The following AASS variants were observed in gnomAD, a reference collection of about 807,000 sequenced individuals.
The protein encoded by AASS is alpha-aminoadipic semialdehyde synthase, mitochondrial.
A neutral mutation model predicts 105.4 loss-of-function variants in AASS; 86 were observed. That is an observed-to-expected ratio of 0.82 (90% CI 0.69 to 0.98). AASS has a LOEUF of 0.98. Ranked by LOEUF, AASS falls within the 50% of genes least tolerant of loss-of-function variation. The pLI is 0.00. For missense variants in AASS, 1,048 were observed against 1,143.2 expected (o/e 0.92, Z 1.20); for synonymous variants, 381 against 394.8 (o/e 0.96, Z 0.41).
Position 122,129,515 on chromosome 7 carries a change from A to G in AASS, c.233T>C (p.Ile78Thr), listed in dbSNP as rs1281670117. Residue 78 changes from isoleucine (I) to threonine (T), a missense_variant, in exon 3 of 24, where the codon ATT becomes ACT. Coordinates refer to ENST00000417368, the MANE Select transcript of AASS (RefSeq NM_005763.4). ...AGCTTCAGAAATATCCTCCTGAAGA[A>G]TGCCACCAGCTTTGACATAGTCCTG... ...HDKDYVKAGG[I>T]LQEDISEACL... is the part of the protein sequence containing the mutation. 1 of 1,613,436 alleles carries G rather than the reference A, an allele frequency of 6.2e-7. No individual in the cohort carries two copies. The highest frequency in any genetic ancestry group is 8.5e-7 in the Non-Finnish European group (1 of 1,179,586).
At chr7:122,108,671 C>T (rs1794784185) in intron 11 of AASS, among the ~76,000 whole-genome samples, 3 of 151,868 alleles carry the variant, frequency 2.0e-5, no homozygotes, top group Admixed American at 1.3e-4. Flanking sequence ...GGGTACATAC[C>T]TCAACATAAT....
At chr7:122,139,587 C>T (rs1308639344) in intron 1 of AASS, among the ~76,000 whole-genome samples, 4 of 152,014 alleles carry the variant, frequency 2.6e-5, no homozygotes, top group South Asian at 2.1e-4. Flanking sequence ...AGTCTGTTCT[C>T]GTTGGTATAA....
chr7:122,134,051 A>T (rs991556306), intron 1 of AASS, among the ~76,000 whole-genome samples: 1 of 152,238 alleles, frequency 6.6e-6, no homozygotes, highest in African/African-American at 2.4e-5. Context: ...AAAAGTTTTA[A>T]ACAAATTAAT....
In AASS at chr7:122,136,531, A is replaced by G. The variant is rs896469299; in HGVS notation, c.-15-2790T>C. 2.6e-5 allele frequency among the ~76,000 whole-genome samples: 4 copies of G among 152,222 alleles called. No individual in the cohort carries two copies. In the South Asian group the frequency reaches 6.2e-4, roughly 24 times the overall value. On this transcript the variant is annotated intron_variant, in intron 1 of 23. Coordinates refer to ENST00000417368, the MANE Select transcript of AASS (RefSeq NM_005763.4). ...ATTCATATCTTCTGTTTTTTAAAATAGATTGCATTAAACTCAATCCCAAAC... is the reference window on the plus strand; with the variant it reads ...ATTCATATCTTCTGTTTTTTAAAATGGATTGCATTAAACTCAATCCCAAAC...
intron 9 of AASS, among the ~76,000 whole-genome samples, chr7:122,114,870 C>G (rs1338030779): frequency 6.6e-6 from 1 of 151,622 alleles, no homozygotes; most frequent in Non-Finnish European, 1.5e-5. Context: ...AACAAGACCC[C>G]ATCTCTAAAG....
chr7:122,127,935 T>C (rs542537358), intron 3 of AASS, among the ~76,000 whole-genome samples: 1 of 152,318 alleles, frequency 6.6e-6, no homozygotes, highest in Non-Finnish European at 1.5e-5. Context: ...GAATGTCTAA[T>C]AGAATATTAA....
chr7:122,083,142 C>T (rs1342763586), intron 19 of AASS, among the ~76,000 whole-genome samples: 2 of 152,110 alleles, frequency 1.3e-5, no homozygotes, highest in Non-Finnish European at 2.9e-5. Context: ...TATTTCACTA[C>T]TGAATGTCTG....
At chr7:122,104,564 C>T (rs1260331798) in intron 11 of AASS, among the ~76,000 whole-genome samples, 1 of 152,078 alleles carries the variant, frequency 6.6e-6, no homozygotes, top group Admixed American at 6.6e-5. Flanking sequence ...ACTACACCAG[C>T]CTAGGTGACA....
intron 15 of AASS, among the ~76,000 whole-genome samples, chr7:122,097,394 AG>A (rs1485475387): frequency 6.6e-6 from 1 of 151,990 alleles, no homozygotes; most frequent in Non-Finnish European, 1.5e-5. Context: ...TTTTAGGTTC[AG>A]GGGTACATGT....
intron 18 of AASS, among the ~76,000 whole-genome samples, chr7:122,090,736 T>A (rs1793857558): frequency 6.6e-6 from 1 of 152,086 alleles, no homozygotes; most frequent in Non-Finnish European, 1.5e-5. Context: ...AACTATGAAG[T>A]CAGACAGACA....
Position 122,098,785 on chromosome 7 carries a change from T to C in AASS, c.1488A>G (p.Leu496=), listed in dbSNP as rs1385805736. 15 of 1,602,754 alleles carry C rather than the reference T, an allele frequency of 9.4e-6. No individual in the cohort carries two copies. The highest frequency in any genetic ancestry group is 1.3e-5 in the Non-Finnish European group (15 of 1,174,710). The change falls in exon 14 of 24, where the codon TTA becomes TTG. Residue 496 remains leucine, a synonymous_variant. Transcript: ENST00000417368. ...TATTGCCATCTCTTGATAAATATTCTAATACAGGCTCAGATATGTAGCCAG... is the reference window on the plus strand; with the variant it reads ...TATTGCCATCTCTTGATAAATATTCCAATACAGGCTCAGATATGTAGCCAG... The part of the protein sequence containing the change: ...LGSGYISEPV[L]EYLSRDGNIE...
At chr7:122,117,341 A>G (rs1795229613) in intron 6 of AASS, among the ~76,000 whole-genome samples, 1 of 152,220 alleles carries the variant, frequency 6.6e-6, no homozygotes, top group Non-Finnish European at 1.5e-5. Flanking sequence ...TATAATAAGA[A>G]TGATATCCTA....
At chr7:122,125,021 C>G (rs991381299) in intron 4 of AASS, among the ~76,000 whole-genome samples, 1 of 152,108 alleles carries the variant, frequency 6.6e-6, no homozygotes, top group Admixed American at 6.5e-5. Context: ...CTCCTGGGTT[C>G]AAGCAATTCT....
In AASS at chr7:122,081,597, T is replaced by C. The variant is rs769991420; in HGVS notation, c.2185-2A>G. ...TCCATTCAAAGCTTTCATATATCCC[T>C]GAAACAAGAATTAATAAGCAGTATA... On this transcript the variant is annotated splice_acceptor_variant, in intron 19 of 23. Coordinates refer to ENST00000417368, the MANE Select transcript of AASS (RefSeq NM_005763.4). LOFTEE classifies it high-confidence loss of function. 18 of 1,602,606 alleles carry C rather than the reference T, an allele frequency of 1.1e-5. No individual in the cohort carries two copies. The South Asian group carries it at 1.9e-4, about 17-fold the overall frequency.
chr7:122,090,816 G>C (rs1793862536), intron 18 of AASS, among the ~76,000 whole-genome samples: 1 of 152,038 alleles, frequency 6.6e-6, no homozygotes, highest in Non-Finnish European at 1.5e-5. Flanking sequence ...CCCTAAACCT[G>C]ATTTTTCCCC....
In AASS at chr7:122,080,215, A is replaced by C. The variant is rs73442805; in HGVS notation, c.2281-503T>G. Reference sequence around the variant, plus strand: ...AGTAGCCATAGTTTTTTCTACTTTCAAAACAAGACTTTTTCTAGGTTCCCA... The same window carrying C: ...AGTAGCCATAGTTTTTTCTACTTTCCAAACAAGACTTTTTCTAGGTTCCCA... On this transcript the variant is annotated intron_variant, in intron 20 of 23. Transcript: ENST00000417368. 4.6e-3 allele frequency among the ~76,000 whole-genome samples: 695 copies of C among 152,374 alleles called. 7 individuals carry two copies. The highest frequency in any genetic ancestry group is 0.016 in the African/African-American group (659 of 41,594).
rs77916740 is a variant in AASS, at chr7:122,125,877, T to C, written c.472+498A>G. ...TTTTACATAAGGAATCTTCTATTTT[T>C]ATATAACAAGGTCAAACAAATAGTA... On this transcript the variant is annotated intron_variant, in intron 4 of 23. Transcript: ENST00000417368. Among the ~76,000 whole-genome samples, 131 of 152,352 alleles carry C rather than the reference T, an allele frequency of 8.6e-4. 1 individual carries two copies. In the East Asian group the frequency reaches 0.021, roughly 24 times the overall value.
In AASS at chr7:122,118,351, C is replaced by T. The variant is rs1795285771; in HGVS notation, c.643G>A (p.Gly215Arg). The T allele has an allele frequency of 6.2e-7, 1 of 1,614,124 alleles. No homozygotes were observed. Among genetic ancestry groups the T allele is most frequent in the Non-Finnish European group, 8.5e-7 (1 of 1,180,018 alleles). Residue 215 changes from glycine (G) to arginine (R), a missense_variant, in exon 6 of 24, where the codon GGA (glycine) becomes AGA (arginine). Physicochemically the swap from Gly to Arg is moderately radical, Grantham distance 125 (BLOSUM62 -2). Coordinates refer to ENST00000417368, the MANE Select transcript of AASS (RefSeq NM_005763.4). The stretch of plus-strand genomic sequence containing the variant: ...CCTGTGAACACAAATGTTAAGGGTC[C>T]TATTGACTTAGGCATCAAACCCAAA... Reference protein sequence around the residue: ...ISLGLMPKSIGPLTFVFTGTG... With the variant: ...ISLGLMPKSIRPLTFVFTGTG...
At position 122,093,589 on chromosome 7, in the gene AASS, T is replaced by A. The variant is rs149394922; in HGVS notation, c.1656-431A>T. 9.6e-4 allele frequency among the ~76,000 whole-genome samples: 145 copies of A among 151,730 alleles called. 1 individual carries two copies. Among genetic ancestry groups the A allele is most frequent in the East Asian group, 9.3e-3 (48 of 5,140 alleles). On this transcript the variant is annotated intron_variant, in intron 15 of 23. Transcript: ENST00000417368. ...CTTTGGGAGGCCAAAGACAGGTGAG[T>A]CGCTTGGGCCCAGGAGTCGAGACCA...
Sources: gnomAD v4.1 joint callset for allele counts (sites outside exome capture counted in the v4.1 genomes callset) on GRCh38, gnomAD v4.1.1 for gene constraint, MANE v1.5 for transcripts, NCBI Gene and HGNC (gene_info 2026-07-23, HGNC 2026-07-21) for gene names.